Variants in VPS26C observed in about 807,000 individuals in gnomAD.
VPS26C encodes the protein VPS26 endosomal protein sorting factor C.
In VPS26C, 19 loss-of-function variants were observed where a neutral mutation model predicts 30.6. That is an observed-to-expected ratio of 0.62 (90% confidence interval 0.43 to 0.91). The LOEUF is 0.91. VPS26C is among the 40% of genes least tolerant of loss of function. The pLI is 0.00. For synonymous variants in VPS26C, 132 were observed against 151.5 expected (o/e 0.87, Z 0.95); for missense variants, 318 against 385.1 (o/e 0.83, Z 1.46).
chr21:37,251,269 C>G (rs370392927), intron 1 of VPS26C, among the ~76,000 whole-genome samples: 1 of 152,200 alleles, frequency 6.6e-6, no homozygotes, highest in Admixed American at 6.5e-5. Flanking sequence ...CACTGCAACA[C>G]TGTTTGTAAA....
intron 1 of VPS26C, among the ~76,000 whole-genome samples, chr21:37,263,723 AG>A (rs2086328265): frequency 6.6e-6 from 1 of 152,224 alleles, no homozygotes; most frequent in South Asian, 2.1e-4. Flanking sequence ...ATCAGGCTAA[AG>A]TAGGTGGCAG....
intron 1 of VPS26C, among the ~76,000 whole-genome samples, chr21:37,264,341 T>A (rs368689493): frequency 6.6e-6 from 1 of 152,146 alleles, no homozygotes; most frequent in Non-Finnish European, 1.5e-5. Context: ...CACCAGGAGA[T>A]GTAGTCTAAG....
At chr21:37,245,121 C>G (rs1454996273) in intron 1 of VPS26C, among the ~76,000 whole-genome samples, 2 of 152,204 alleles carry the variant, frequency 1.3e-5, no homozygotes, top group Non-Finnish European at 2.9e-5. Context: ...TAAAAGGAAC[C>G]AGCAGAGGAG....
chr21:37,261,995 T>C (rs2086309357), intron 1 of VPS26C: 2 of 152,194 alleles, frequency 1.3e-5, no homozygotes, highest in East Asian at 1.9e-4. Context: ...TAGTACTTAG[T>C]GGGAAATGTC....
chr21:37,258,261 G>C (rs1274692234), intron 1 of VPS26C, among the ~76,000 whole-genome samples: 1 of 152,252 alleles, frequency 6.6e-6, no homozygotes, highest in Non-Finnish European at 1.5e-5. Context: ...CCTGATCCGC[G>C]CTGCAGTTCC....
At position 37,227,870 on chromosome 21, in the gene VPS26C, C is replaced by T. The variant is rs536282368; in HGVS notation, c.659-64G>A. Reference sequence around the variant, plus strand: ...AGAGGCTGCGGGGTCCACATCCGCACCGGCACCACCCACCAGTCTGCTCCA... The same window carrying T: ...AGAGGCTGCGGGGTCCACATCCGCATCGGCACCACCCACCAGTCTGCTCCA... On this transcript the variant is annotated intron_variant, in intron 6 of 7. Coordinates refer to ENST00000309117, the MANE Select transcript of VPS26C (RefSeq NM_006052.2). The T allele has an allele frequency of 2.1e-5, 34 of 1,588,990 alleles. No individual in the cohort carries two copies. In the Admixed American group the frequency reaches 5.4e-4, roughly 25 times the overall value.
At chr21:37,259,279 G>A (rs1713097924) in intron 1 of VPS26C, among the ~76,000 whole-genome samples, 1 of 146,704 alleles carries the variant, frequency 6.8e-6, no homozygotes, top group East Asian at 2.0e-4. Context: ...GTTATGTATA[G>A]GGTTTCTCCT....
At chr21:37,250,883 G>A (rs1286905305) in intron 1 of VPS26C, among the ~76,000 whole-genome samples, 2 of 127,376 alleles carry the variant, frequency 1.6e-5, no homozygotes, top group African/African-American at 3.0e-5. Context: ...CTGGGCAACA[G>A]AGTGAGACTC....
chr21:37,238,155 C>T, intron 3 of VPS26C: 1 of 311,222 alleles, frequency 3.2e-6, no homozygotes, highest in Non-Finnish European at 5.9e-6. Context: ...GAAGTTAGGG[C>T]ATATCTGTTA....
chr21:37,228,293 C>T lies in VPS26C; in HGVS notation c.588G>A (p.Glu196=), dbSNP rs1410366945. The T allele has an allele frequency of 3.1e-6, 5 of 1,614,198 alleles. No individual in the cohort carries two copies. Among genetic ancestry groups the T allele is most frequent in the African/African-American group, 2.7e-5 (2 of 75,062 alleles). ...CGGCTTCCGAGCTCTCCACCACCAG[C>T]TCTCCCGTTAGTGGCTGCGTGATGA... The part of the protein sequence containing the change: ...NCVITQPLTG[E]LVVESSEAAI... Residue 196 remains glutamate (E), a synonymous_variant, in exon 6 of 8, where the codon GAG becomes GAA. Transcript: ENST00000309117.
At chr21:37,231,168 C>T (rs1380683348) in intron 5 of VPS26C, among the ~76,000 whole-genome samples, 2 of 152,198 alleles carry the variant, frequency 1.3e-5, no homozygotes, top group South Asian at 2.1e-4. Context: ...TGTAAACTGA[C>T]AACCGAGGAT....
chr21:37,233,172 CTG>C lies in VPS26C; in HGVS notation c.432+188_432+189del. 1 of 562,038 alleles carries C rather than the reference CTG, an allele frequency of 1.8e-6. No homozygotes were observed. The highest frequency in any genetic ancestry group is 3.2e-6 in the Non-Finnish European group (1 of 313,832). 34.8% of individuals were successfully genotyped at this position (562,038 alleles called of 1,614,324 possible). Reference sequence around the variant, plus strand: ...GGCCCGCGGCCTCAGCTGGGGGACTCTGGGCCCAGGACAATGATGCACACGTG... The same window carrying C: ...GGCCCGCGGCCTCAGCTGGGGGACTCGGCCCAGGACAATGATGCACACGTG... On this transcript the variant is annotated intron_variant, in intron 4 of 7. Transcript: ENST00000309117. The surrounding 1 kb of genome is among the most constrained non-coding windows in gnomAD (Gnocchi z 5.2).
At chr21:37,230,067 A>G (rs141718498) in intron 5 of VPS26C, among the ~76,000 whole-genome samples, 2,970 of 152,212 alleles carry the variant, frequency 0.02, 41 homozygotes, top group Non-Finnish European at 0.031. Flanking sequence ...GACAGGTTCT[A>G]TGTTGCCCAC....
chr21:37,230,460 T>C (rs2085949790), intron 5 of VPS26C: 2 of 152,248 alleles, frequency 1.3e-5, no homozygotes, highest in Admixed American at 6.5e-5. Context: ...ATCTACAAGA[T>C]TTTCTACAAT....
chr21:37,233,397 A>C lies in VPS26C; in HGVS notation c.397T>G (p.Leu133Val). 1 of 1,614,234 alleles carries C rather than the reference A, an allele frequency of 6.2e-7. No individual in the cohort carries two copies. Among genetic ancestry groups the C allele is most frequent in the Non-Finnish European group, 8.5e-7 (1 of 1,180,036 alleles). ...DMKRSLLAKD[L>V]TKTCEFIVHS... Reference sequence around the variant, plus strand: ...ACGATAAATTCACAGGTCTTTGTCAAGTCCTTGGCCAACAGAGACCGCTTC... The same window carrying C: ...ACGATAAATTCACAGGTCTTTGTCACGTCCTTGGCCAACAGAGACCGCTTC... Residue 133 changes from leucine to valine, a missense_variant, in exon 4 of 8, where the codon TTG becomes GTG. By Grantham distance (32) the Leu-to-Val change is conservative. Transcript: ENST00000309117. This position sits in a 1 kb window ranked among gnomAD's most constrained non-coding sequence, Gnocchi z 5.2.
chr21:37,258,656 G>A (rs2086272416), intron 1 of VPS26C, among the ~76,000 whole-genome samples: 1 of 152,190 alleles, frequency 6.6e-6, no homozygotes, highest in African/African-American at 2.4e-5. Context: ...ATGACATAAC[G>A]GAGGCGAGTC....
chr21:37,225,856 C>T (rs777685479), intron 7 of VPS26C: 54 of 572,704 alleles, frequency 9.4e-5, no homozygotes, highest in Non-Finnish European at 1.5e-4. Context: ...GAATTTTTGT[C>T]CTCTCATCTT....
chr21:37,232,474 A>T (rs1304312595), intron 4 of VPS26C, 23 bp from the exon 5 acceptor site: 1 of 1,601,784 alleles, frequency 6.2e-7, no homozygotes, highest in Non-Finnish European at 8.6e-7. Flanking sequence ...GTGAAACCGA[A>T]ATCAGTAGGT....
chr21:37,233,236 T>A lies in VPS26C; in HGVS notation c.432+126A>T. 1.3e-6 allele frequency: 1 copy of A among 774,138 alleles called. No homozygotes were observed. The highest frequency in any genetic ancestry group is 1.6e-5 in the South Asian group (1 of 63,760). The allele number at this position is 774,138 out of a possible 1,614,324, so 48.0% of individuals were successfully genotyped here. A position where few individuals can be genotyped will look rare whatever the true frequency, so the allele number is the denominator to read the frequency against. On this transcript the variant is annotated intron_variant, in intron 4 of 7. Transcript: ENST00000309117. This position sits in a 1 kb window ranked among gnomAD's most constrained non-coding sequence, Gnocchi z 5.2. ...ACCGACTGTCTCTGACCCAGAAGTC[T>A]TGTGTCTTCTGCCAGCACCCGTGAA...
Sources: gnomAD v4.1 joint callset for allele counts (sites outside exome capture counted in the v4.1 genomes callset) on GRCh38, gnomAD v4.1.1 for gene constraint, Gnocchi (gnomAD v3.1) non-coding constraint, MANE v1.5 for transcripts, NCBI Gene and HGNC (gene_info 2026-07-23, HGNC 2026-07-21) for gene names.